The following SLC4A8 variants were observed in gnomAD, a reference collection of about 807,000 sequenced individuals.
SLC4A8 encodes solute carrier family 4 member 8, also known as electroneutral sodium bicarbonate exchanger 1.
Under a neutral mutation model 125.0 loss-of-function variants are expected in SLC4A8, and 40 were observed. That is an observed-to-expected ratio of 0.32 (90% CI 0.25 to 0.42). SLC4A8 has a LOEUF of 0.42. SLC4A8 is among the 10% of genes least tolerant of loss of function. The pLI, the probability that SLC4A8 is intolerant of heterozygous loss-of-function variation, is 1.00. For missense variants in SLC4A8, 863 were observed against 1,355.1 expected, an observed-to-expected ratio of 0.64 and a Z score of 5.70; for synonymous variants, 456 against 476.0, an observed-to-expected ratio of 0.96 and a Z score of 0.55.
intron 1 of SLC4A8, among the ~76,000 whole-genome samples, chr12:51,433,989 C>T (rs140337662): frequency 2.6e-5 from 4 of 151,980 alleles, no homozygotes; most frequent in African/African-American, 4.8e-5. Flanking sequence ...ATTCTTCCAC[C>T]TGAGCCTCCA....
At chr12:51,396,290 T>G (rs1948259365) in intron 1 of SLC4A8, among the ~76,000 whole-genome samples, 1 of 152,090 alleles carries the variant, frequency 6.6e-6, no homozygotes, top group Admixed American at 6.5e-5. Flanking sequence ...CTAGGTCAGG[T>G]GTGGAGATAC....
At chr12:51,431,702 C>T (rs568192203) in intron 1 of SLC4A8, among the ~76,000 whole-genome samples, 1 of 152,050 alleles carries the variant, frequency 6.6e-6, no homozygotes, top group African/African-American at 2.4e-5. Context: ...GTGATGGACT[C>T]CCCAAAGGGC....
chr12:51,467,679 A>G (rs1479044955), intron 11 of SLC4A8, among the ~76,000 whole-genome samples: 1 of 152,172 alleles, frequency 6.6e-6, no homozygotes, highest in Non-Finnish European at 1.5e-5. Flanking sequence ...TTTCAAACAT[A>G]TAAAAAAAAG....
At chr12:51,394,783 C>T (rs1034298060) in intron 1 of SLC4A8, among the ~76,000 whole-genome samples, 1 of 152,208 alleles carries the variant, frequency 6.6e-6, no homozygotes, top group African/African-American at 2.4e-5. Flanking sequence ...ACCAAACCCT[C>T]GCAACATGCA....
At chr12:51,396,499 A>AAT (rs1948265084) in intron 1 of SLC4A8, among the ~76,000 whole-genome samples, 1 of 152,056 alleles carries the variant, frequency 6.6e-6, no homozygotes, top group Non-Finnish European at 1.5e-5. Context: ...ATTTTAAAAA[A>AAT]ATCAAAATTA....
In SLC4A8 at chr12:51,509,111, C is replaced by G. The variant is rs1938277744; in HGVS notation, c.*1673C>G. ...ACTCAGAAGGGATGCCTGCTGTAAA[C>G]AAGCAGTATGTATGGTTGTACCAAT... is the stretch of plus-strand genomic sequence containing the variant. On this transcript the variant is annotated 3_prime_UTR_variant, in exon 25 of 25. Coordinates refer to ENST00000453097, the MANE Select transcript of SLC4A8 (RefSeq NM_001039960.3). 1 of 152,748 alleles carries G rather than the reference C, an allele frequency of 6.5e-6. No individual in the cohort carries two copies. The highest frequency in any genetic ancestry group is 1.5e-5 in the Non-Finnish European group (1 of 68,030). 9.5% of individuals were successfully genotyped at this position (152,748 alleles called of 1,614,324 possible). A position where few individuals can be genotyped will look rare whatever the true frequency, so the allele number is the denominator to read the frequency against.
At chr12:51,507,391 T>C in intron 24 of SLC4A8, 35 bp from the exon 25 acceptor site, 1 of 1,318,394 alleles carries the variant, frequency 7.6e-7, no homozygotes, top group Non-Finnish European at 9.9e-7. Context: ...GAATCATATG[T>C]TCCCTTTTTG....
At chr12:51,460,709 G>T (rs1432867123) in intron 8 of SLC4A8, among the ~76,000 whole-genome samples, 2 of 152,172 alleles carry the variant, frequency 1.3e-5, no homozygotes, top group East Asian at 1.9e-4. Flanking sequence ...TGTTCAAAAG[G>T]CTATTCATGC....
At chr12:51,447,116 C>G (rs1949799309) in intron 2 of SLC4A8, among the ~76,000 whole-genome samples, 1 of 132,968 alleles carries the variant, frequency 7.5e-6, no homozygotes, top group Non-Finnish European at 1.6e-5. Flanking sequence ...ATTCTGTCAC[C>G]CAGGCTGGAG....
intron 22 of SLC4A8, among the ~76,000 whole-genome samples, chr12:51,501,529 A>G (rs1230924387): frequency 1.3e-5 from 2 of 152,220 alleles, no homozygotes; most frequent in Non-Finnish European, 2.9e-5. Flanking sequence ...GTGTATACAT[A>G]CTACAGTTTC....
chr12:51,462,135 GT>G, intron 9 of SLC4A8, 174 bp from the exon 10 acceptor site: 1 of 611,866 alleles, frequency 1.6e-6, no homozygotes. Context: ...TTCCACGCTT[GT>G]TTTTTAAATC....
intron 19 of SLC4A8, among the ~76,000 whole-genome samples, chr12:51,492,897 G>C (rs1391799758): frequency 6.6e-6 from 1 of 150,900 alleles, no homozygotes; most frequent in Non-Finnish European, 1.5e-5. Context: ...GTGTCCATGT[G>C]TTCTCATTGT....
In SLC4A8 at chr12:51,453,673, A is replaced by G. The variant is rs1489602307; in HGVS notation, c.548A>G (p.His183Arg). The G allele has an allele frequency of 6.2e-7, 1 of 1,614,082 alleles. No homozygotes were observed. The highest frequency in any genetic ancestry group is 1.1e-5 in the South Asian group (1 of 91,054). The change falls in exon 5 of 25, where the codon CAT becomes CGT. Residue 183 changes from histidine (H) to arginine (R), a missense_variant. This residue lies in a region of SLC4A8 where 390 missense variants were observed against 634.4 expected (regional missense o/e 0.61). Coordinates refer to ENST00000453097, the MANE Select transcript of SLC4A8 (RefSeq NM_001039960.3). ...LINGTVLLDM[H>R]ANSIEEISDL... Reference sequence around the variant, plus strand: ...AATGGAACAGTCCTCCTGGATATGCATGCAAATAGCATAGAAGAAATTTCA... The same window carrying G: ...AATGGAACAGTCCTCCTGGATATGCGTGCAAATAGCATAGAAGAAATTTCA...
chr12:51,437,737 G>C (rs958836436), intron 1 of SLC4A8, among the ~76,000 whole-genome samples: 1 of 152,154 alleles, frequency 6.6e-6, no homozygotes, highest in Non-Finnish European at 1.5e-5. Context: ...GAGACGTGGG[G>C]ATTTAATGTG....
At position 51,471,831 on chromosome 12, in the gene SLC4A8, A is replaced by G. The variant is rs192341297; in HGVS notation, c.1904+299A>G. 5.9e-5 allele frequency among the ~76,000 whole-genome samples: 9 copies of G among 152,320 alleles called. No individual in the cohort carries two copies. In the East Asian group the frequency reaches 1.5e-3, roughly 26 times the overall value. On this transcript the variant is annotated intron_variant, in intron 14 of 24. Transcript: ENST00000453097. ...ATGGGCTGCAAATGTAGCAGGGAGAATTTGAGTTAGTTATGGGGAGGAACT... is the reference window on the plus strand; with the variant it reads ...ATGGGCTGCAAATGTAGCAGGGAGAGTTTGAGTTAGTTATGGGGAGGAACT...
rs1307811327 is a variant in SLC4A8, at chr12:51,400,753, TATATATATATATATATATATATATAC to T, written c.-112+9269_-112+9294del. Among the ~76,000 whole-genome samples, 44 of 5,662 alleles carry T rather than the reference TATATATATATATATATATATATATAC, an allele frequency of 7.8e-3. 4 individuals carry two copies. The highest frequency in any genetic ancestry group is 7.8e-3 in the Non-Finnish European group (24 of 3,058). 3.7% of individuals were successfully genotyped at this position (5,662 alleles called of 152,430 possible). A position where few individuals can be genotyped will look rare whatever the true frequency, so the allele number is the denominator to read the frequency against. ...ATATATATATATATATATATATATA[TATATATATATATATATATATATATAC>T]ATACATACACACACACACACACATA... On this transcript the variant is annotated intron_variant, in intron 1 of 24. Coordinates refer to the SLC4A8 transcript ENST00000358657.
chr12:51,424,930 G>T lies in SLC4A8; in HGVS notation c.-58G>T. On this transcript the variant is annotated 5_prime_UTR_variant, in exon 1 of 25. Transcript: ENST00000453097. ...TGATCTGCTCAGACCCGACCAGAGG[G>T]CGCGGGCTGCTGATGCTTGGCTTGG... 6.5e-7 allele frequency: 1 copy of T among 1,537,094 alleles called. No homozygotes were observed. Among genetic ancestry groups the T allele is most frequent in the Non-Finnish European group, 8.8e-7 (1 of 1,135,368 alleles).
At chr12:51,461,700 C>A in intron 9 of SLC4A8, 1 of 193,648 alleles carries the variant, frequency 5.2e-6, no homozygotes, top group Non-Finnish European at 1.1e-5. Flanking sequence ...TGACCTCAGG[C>A]AGTGTAGTGT....
At chr12:51,451,352 G>A (rs911312114) in intron 3 of SLC4A8, among the ~76,000 whole-genome samples, 1 of 152,194 alleles carries the variant, frequency 6.6e-6, no homozygotes, top group East Asian at 1.9e-4. Flanking sequence ...CTCGTGATCC[G>A]CCTGCCTTGA....
Sources: gnomAD v4.1 joint callset for allele counts (sites outside exome capture counted in the v4.1 genomes callset) on GRCh38, gnomAD v4.1.1 for gene constraint, gnomAD v4.1.1 regional missense constraint, MANE v1.5 for transcripts, NCBI Gene and HGNC (gene_info 2026-07-23, HGNC 2026-07-21) for gene names.